ARHGAP24: variants seen among roughly 807,000 people sequenced by gnomAD.
The protein encoded by ARHGAP24 is Rho GTPase activating protein 24.
In ARHGAP24, 50 loss-of-function variants were observed where a neutral mutation model predicts 76.4. That is an observed-to-expected ratio of 0.65 (90% CI 0.52 to 0.83). The LOEUF (loss-of-function observed/expected upper bound fraction) is 0.83. ARHGAP24 is among the 40% of genes least tolerant of loss of function. The pLI, the probability that ARHGAP24 is intolerant of heterozygous loss-of-function variation, is 0.00. For synonymous variants in ARHGAP24, 345 were observed against 323.3 expected, an observed-to-expected ratio of 1.07 and a Z score of -0.72; for missense variants, 930 against 914.2, an observed-to-expected ratio of 1.02 and a Z score of -0.22.
At chr4:85,641,369 C>T (rs1721515695) in intron 2 of ARHGAP24, among the ~76,000 whole-genome samples, 7 of 152,104 alleles carry the variant, frequency 4.6e-5, no homozygotes, top group Admixed American at 4.6e-4. Flanking sequence ...AACAAGGTAC[C>T]ACAGACAGGG....
Position 85,802,683 on chromosome 4 carries a change from C to T in ARHGAP24, c.268+80711C>T, listed in dbSNP as rs141597469. On this transcript the variant is annotated intron_variant, in intron 3 of 9. Transcript: ENST00000395184. ...GCACATGCCTGTAATCCCCGCTACT[C>T]GGGAGGCTGAGGCAGGAGAATCGCT... Among the ~76,000 whole-genome samples, 396 of 152,230 alleles carry T rather than the reference C, an allele frequency of 2.6e-3. 3 individuals carry two copies. The highest frequency in any genetic ancestry group is 9.2e-3 in the African/African-American group (384 of 41,536).
chr4:85,729,219 G>A (rs1725296392), intron 3 of ARHGAP24, among the ~76,000 whole-genome samples: 1 of 151,996 alleles, frequency 6.6e-6, no homozygotes, highest in African/African-American at 2.4e-5. Context: ...GAGAATGTGA[G>A]TAGGAGTTGC....
At chr4:85,535,544 C>T (rs372532495) in intron 1 of ARHGAP24, among the ~76,000 whole-genome samples, 20 of 152,284 alleles carry the variant, frequency 1.3e-4, no homozygotes, top group Middle Eastern at 6.8e-3. Flanking sequence ...GTCATAAAAA[C>T]GCAGAATAAG....
chr4:85,709,272 G>C (rs1363051633), intron 2 of ARHGAP24, among the ~76,000 whole-genome samples: 1 of 152,030 alleles, frequency 6.6e-6, no homozygotes, highest in East Asian at 1.9e-4. Flanking sequence ...GAAATGAAAT[G>C]GTTATATAGA....
chr4:85,872,749 C>T (rs1238796432), intron 3 of ARHGAP24, among the ~76,000 whole-genome samples: 10 of 151,448 alleles, frequency 6.6e-5, no homozygotes. Flanking sequence ...AAGCATACAC[C>T]ACCATGCCCG....
At chr4:85,776,451 C>T (rs1479295873) in intron 3 of ARHGAP24, among the ~76,000 whole-genome samples, 1 of 152,078 alleles carries the variant, frequency 6.6e-6, no homozygotes, top group Non-Finnish European at 1.5e-5. Flanking sequence ...AGCAGAACAC[C>T]AGTTTTAAAA....
intron 3 of ARHGAP24, among the ~76,000 whole-genome samples, chr4:85,918,646 T>C (rs1735548626): frequency 1.3e-5 from 2 of 152,236 alleles, no homozygotes; most frequent in African/African-American, 4.8e-5. Flanking sequence ...AATCTAACTT[T>C]TAATTTTTGT....
At chr4:85,982,786 C>T (rs1475882253) in intron 8 of ARHGAP24, among the ~76,000 whole-genome samples, 1 of 151,878 alleles carries the variant, frequency 6.6e-6, no homozygotes, top group Admixed American at 6.6e-5. Context: ...ATTTTAAGTT[C>T]TGGGGCACAT....
intron 3 of ARHGAP24, among the ~76,000 whole-genome samples, chr4:85,725,574 C>A (rs373233194): frequency 1.3e-5 from 2 of 152,222 alleles, no homozygotes; most frequent in African/African-American, 4.8e-5. Flanking sequence ...ACTGCTGGGG[C>A]ATAGCCCCTT....
intron 2 of ARHGAP24, among the ~76,000 whole-genome samples, chr4:85,598,734 CTGTTT>C (rs959783941): frequency 7.4e-5 from 11 of 149,004 alleles, no homozygotes; most frequent in African/African-American, 1.7e-4. Context: ...TTTGAAATCA[CTGTTT>C]TGTTTTGTTT....
intron 2 of ARHGAP24, among the ~76,000 whole-genome samples, chr4:85,615,755 C>A (rs555111128): frequency 5.9e-5 from 9 of 152,140 alleles, no homozygotes; most frequent in Admixed American, 3.9e-4. Context: ...AATTGTGAAT[C>A]CTTCCCACAA....
At chr4:85,559,161 C>T (rs1025283516) in intron 1 of ARHGAP24, among the ~76,000 whole-genome samples, 1 of 152,202 alleles carries the variant, frequency 6.6e-6, no homozygotes, top group Non-Finnish European at 1.5e-5. Context: ...ATTCTCTCTG[C>T]TATGTGCATA....
chr4:85,910,573 C>T (rs1399773260), intron 3 of ARHGAP24, among the ~76,000 whole-genome samples: 2 of 152,078 alleles, frequency 1.3e-5, no homozygotes, highest in East Asian at 1.9e-4. Flanking sequence ...GTAGACAGGT[C>T]GTCCCGTCAT....
At chr4:85,607,670 T>C (rs1237047338) in intron 2 of ARHGAP24, among the ~76,000 whole-genome samples, 2 of 143,352 alleles carry the variant, frequency 1.4e-5, no homozygotes, top group Admixed American at 1.3e-4. Context: ...CAAGCATTAT[T>C]TTCTTTTCTT....
At chr4:85,640,595 TC>T (rs1423157583) in intron 2 of ARHGAP24, among the ~76,000 whole-genome samples, 1 of 152,194 alleles carries the variant, frequency 6.6e-6, no homozygotes, top group African/African-American at 2.4e-5. Flanking sequence ...TTATTGAAAC[TC>T]TACCAGGTCT....
chr4:85,522,972 C>T (rs1413176249), intron 1 of ARHGAP24, among the ~76,000 whole-genome samples: 1 of 152,100 alleles, frequency 6.6e-6, no homozygotes, highest in Non-Finnish European at 1.5e-5. Flanking sequence ...ATGTAAATAG[C>T]TTGCTTATCA....
chr4:85,927,937 G>A (rs1350387828), intron 4 of ARHGAP24, among the ~76,000 whole-genome samples: 2 of 152,128 alleles, frequency 1.3e-5, no homozygotes, highest in Non-Finnish European at 1.5e-5. Flanking sequence ...ATTAAAAACT[G>A]TTAGGTGGAA....
At chr4:85,911,160 C>T (rs1353718949) in intron 3 of ARHGAP24, among the ~76,000 whole-genome samples, 2 of 152,184 alleles carry the variant, frequency 1.3e-5, no homozygotes, top group Non-Finnish European at 2.9e-5. Context: ...CCTGCCTGCT[C>T]CACAGAGCAA....
At chr4:85,549,876 C>T (rs1443401082) in intron 1 of ARHGAP24, among the ~76,000 whole-genome samples, 1 of 152,154 alleles carries the variant, frequency 6.6e-6, no homozygotes, top group Non-Finnish European at 1.5e-5. Context: ...TTTTCTGTTC[C>T]TGTGTCAGTT....
Sources: allele counts gnomAD v4.1 joint callset (sites outside exome capture counted in the v4.1 genomes callset), GRCh38; gene constraint gnomAD v4.1.1; transcripts MANE v1.5; gene names NCBI Gene and HGNC (gene_info 2026-07-23, HGNC 2026-07-21).